Variants in TEX36 observed in about 807,000 individuals in gnomAD.
The protein encoded by TEX36 is testis expressed 36.
TEX36 carries 12 observed loss-of-function variants against 13.6 expected under a neutral mutation model. The ratio of observed to expected loss-of-function variants is 0.88; its 90% CI spans 0.56 to 1.43. The LOEUF is 1.43. Among genes scored for constraint, TEX36 ranks in the 40% most tolerant of loss-of-function variants. The probability of loss-of-function intolerance (pLI) is 0.00; values close to 1 mark genes in which losing one functional copy is unlikely to be tolerated. For missense variants in TEX36, 224 were observed against 228.3 expected (o/e 0.98, Z 0.12); for synonymous variants, 93 against 83.0 (o/e 1.12, Z -0.65).
At chr10:125,595,798 C>T (rs902923318) in intron 3 of TEX36, among the ~76,000 whole-genome samples, 1 of 152,204 alleles carries the variant, frequency 6.6e-6, no homozygotes, top group African/African-American at 2.4e-5. Flanking sequence ...CCACCTCCTT[C>T]CCCTGTTTAC....
At chr10:125,630,158 A>C (rs1042834902) in intron 3 of TEX36, among the ~76,000 whole-genome samples, 2 of 152,230 alleles carry the variant, frequency 1.3e-5, no homozygotes, top group African/African-American at 4.8e-5. Flanking sequence ...GACAGCTATA[A>C]TGGAATGAAA....
intron 3 of TEX36, among the ~76,000 whole-genome samples, chr10:125,615,596 C>T (rs112122349): frequency 1.2e-4 from 18 of 151,118 alleles, no homozygotes; most frequent in South Asian, 2.1e-4. Flanking sequence ...TATTGATTTG[C>T]GTATATTGAA....
intron 3 of TEX36, among the ~76,000 whole-genome samples, chr10:125,614,424 T>G (rs904088791): frequency 1.2e-4 from 18 of 151,816 alleles, no homozygotes; most frequent in African/African-American, 4.1e-4. Context: ...GGTCTAACGT[T>G]TAAGTCTTTA....
chr10:125,677,484 T>C (rs1847329172), intron 1 of TEX36, among the ~76,000 whole-genome samples: 1 of 152,194 alleles, frequency 6.6e-6, no homozygotes, highest in Non-Finnish European at 1.5e-5. Context: ...ATCAAGTCTA[T>C]TGTTGAAATT....
rs559645687 is a variant in TEX36 at position 125,648,585 on chromosome 10, A to C, written c.264+12436T>G. On this transcript the variant is annotated intron_variant, in intron 3 of 3. Coordinates refer to the TEX36 transcript ENST00000526819. ...AGCAGAAAAGCTGAAAATTCTAAAA[A>C]TCAGAGTGCCTCTTCTCCAAAGGAA... Among the ~76,000 whole-genome samples, 14 of 152,346 alleles carry C rather than the reference A, an allele frequency of 9.2e-5. No homozygotes were observed. In the East Asian group the frequency reaches 2.5e-3, roughly 27 times the overall value.
At chr10:125,579,241 T>C (rs1005258541) in intron 3 of TEX36, among the ~76,000 whole-genome samples, 1 of 152,202 alleles carries the variant, frequency 6.6e-6, no homozygotes, top group Non-Finnish European at 1.5e-5. Context: ...CACTGTTCCT[T>C]ATGGCTGAGA....
At chr10:125,620,608 G>C, downstream of TEX36, among the ~76,000 whole-genome samples, 1 of 152,308 alleles carries the variant, frequency 6.6e-6, no homozygotes, top group Middle Eastern at 3.4e-3. Flanking sequence ...GCAATCACAA[G>C]TCAATTTTTT....
At chr10:125,672,552 A>G (rs1193441121) in intron 1 of TEX36, among the ~76,000 whole-genome samples, 1 of 152,152 alleles carries the variant, frequency 6.6e-6, no homozygotes, top group Non-Finnish European at 1.5e-5. Flanking sequence ...ACTTCCCATC[A>G]TGTGATCAGT....
intron 3 of TEX36, among the ~76,000 whole-genome samples, chr10:125,633,490 T>C (rs563404182): frequency 7.2e-5 from 11 of 152,216 alleles, no homozygotes; most frequent in Non-Finnish European, 1.6e-4. Flanking sequence ...GTAAAACCTA[T>C]ATAGCAGGAG....
intron 3 of TEX36, among the ~76,000 whole-genome samples, chr10:125,608,129 C>A (rs957034810): frequency 6.6e-6 from 1 of 152,038 alleles, no homozygotes; most frequent in Non-Finnish European, 1.5e-5. Flanking sequence ...TATTCCAGAG[C>A]GGGGAAAACA....
chr10:125,630,751 T>C (rs192129428), intron 3 of TEX36, among the ~76,000 whole-genome samples: 1 of 152,182 alleles, frequency 6.6e-6, no homozygotes, highest in East Asian at 1.9e-4. Flanking sequence ...TGCGAGCCAG[T>C]GTGGAGGGTT....
intron 3 of TEX36, among the ~76,000 whole-genome samples, chr10:125,605,680 C>T (rs936296594): frequency 1.3e-5 from 2 of 152,174 alleles, no homozygotes; most frequent in African/African-American, 2.4e-5. Context: ...CCGCTCACTG[C>T]AACCTCCACC....
At chr10:125,661,415 G>C (rs1349931429) in intron 2 of TEX36, among the ~76,000 whole-genome samples, 1 of 152,182 alleles carries the variant, frequency 6.6e-6, no homozygotes. Context: ...AAGGACTTTT[G>C]AGGCCGTGTA....
chr10:125,589,227 A>G (rs111285323), intron 3 of TEX36, among the ~76,000 whole-genome samples: 1,771 of 152,302 alleles, frequency 0.012, 39 homozygotes, highest in African/African-American at 0.04. Context: ...AAACTCACTG[A>G]CTTCTCCTTT....
chr10:125,624,121 A>T (rs1846458339), intron 3 of TEX36, among the ~76,000 whole-genome samples: 1 of 152,150 alleles, frequency 6.6e-6, no homozygotes, highest in Admixed American at 6.5e-5. Flanking sequence ...CCCTTCTCCC[A>T]GTTGTGAATT....
chr10:125,638,939 T>G (rs1846652134), intron 3 of TEX36, among the ~76,000 whole-genome samples: 1 of 152,256 alleles, frequency 6.6e-6, no homozygotes, highest in Admixed American at 6.5e-5. Context: ...ATTACACTAT[T>G]AATTCTTTGT....
intron 3 of TEX36, among the ~76,000 whole-genome samples, chr10:125,581,829 G>A (rs1454355425): frequency 6.6e-6 from 1 of 152,158 alleles, no homozygotes; most frequent in Non-Finnish European, 1.5e-5. Context: ...CCCAACCCAT[G>A]GAAATAATTG....
intron 3 of TEX36, among the ~76,000 whole-genome samples, chr10:125,631,248 A>C (rs1208746785): frequency 6.6e-6 from 1 of 152,238 alleles, no homozygotes; most frequent in Admixed American, 6.5e-5. Flanking sequence ...ATCTGAGTAC[A>C]TCTCAAGTCT....
chr10:125,637,746 T>C (rs2133572367), intron 3 of TEX36, among the ~76,000 whole-genome samples: 1 of 152,246 alleles, frequency 6.6e-6, no homozygotes, highest in South Asian at 2.1e-4. Context: ...CCAGGAGATT[T>C]GCCAGGCAGC....
Sources: allele counts gnomAD v4.1 joint callset (sites outside exome capture counted in the v4.1 genomes callset), GRCh38; gene constraint gnomAD v4.1.1; transcripts MANE v1.5; gene names NCBI Gene and HGNC (gene_info 2026-07-23, HGNC 2026-07-21).